LIPT2: variants seen among roughly 807,000 people sequenced by gnomAD.
The protein encoded by LIPT2 is octanoyl-[acyl-carrier-protein]:protein N-octanoyltransferase LIPT2, mitochondrial.
Under a neutral mutation model 16.2 loss-of-function variants are expected in LIPT2, and 16 were observed. The ratio of observed to expected loss-of-function variants is 0.99; its 90% CI spans 0.67 to 1.50. The LOEUF is 1.50. Among genes scored for constraint, LIPT2 ranks in the 40% most tolerant of loss-of-function variants. The pLI is 0.00. For synonymous variants in LIPT2, 199 were observed against 169.3 expected (o/e 1.18, Z -1.36); for missense variants, 424 against 347.7 (o/e 1.22, Z -1.75).
chr11:74,492,326 C>G lies in LIPT2; in HGVS notation c.505G>C (p.Ala169Pro), dbSNP rs1419522194. Residue 169 changes from alanine (A) to proline (P), a missense_variant, in exon 2 of 2, where the codon GCT becomes CCT. Physicochemically the swap from Ala to Pro is conservative, Grantham distance 27. Coordinates refer to ENST00000310109, the MANE Select transcript of LIPT2 (RefSeq NM_001144869.3). ...CGRHITSHGL[A>P]LNCSTDLTWF... Reference sequence around the variant, plus strand: ...GTGAGGTCGGTAGAGCAGTTGAGAGCCAGGCCGTGGGATGTGATGTGCCTT... The same window carrying G: ...GTGAGGTCGGTAGAGCAGTTGAGAGGCAGGCCGTGGGATGTGATGTGCCTT... 1 of 1,551,744 alleles carries G rather than the reference C, an allele frequency of 6.4e-7. No homozygotes were observed. The highest frequency in any genetic ancestry group is 8.7e-7 in the Non-Finnish European group (1 of 1,146,952).
In LIPT2 at chr11:74,492,263, T is replaced by A. The variant is rs586088; in HGVS notation, c.568A>T (p.Thr190Ser). The A allele has an allele frequency of 0.61, 942,639 of 1,551,212 alleles. 289,463 individuals carry two copies. Among genetic ancestry groups the A allele is most frequent in the East Asian group, 0.67 (27,462 of 40,868 alleles). The stretch of plus-strand genomic sequence containing the variant: ...TCCTTACTCAAGGAAGTGACGCCTG[T>A]CCCAACCAGTCCACAGGGCACGATG... The part of the protein sequence containing the change: ...EHIVPCGLVG[T>S]GVTSLSKELQ... The change falls in exon 2 of 2, where the codon ACA (threonine) becomes TCA (serine). Residue 190 changes from threonine to serine, a missense_variant. Transcript: ENST00000310109.
Position 74,491,073 on chromosome 11 carries a change from A to C in LIPT2, c.*1062T>G, listed in dbSNP as rs1864325732. Among the ~76,000 whole-genome samples, 1 of 152,244 alleles carries C rather than the reference A, an allele frequency of 6.6e-6. No individual in the cohort carries two copies. Among genetic ancestry groups the C allele is most frequent in the Non-Finnish European group, 1.5e-5 (1 of 68,050 alleles). On this transcript the variant is annotated 3_prime_UTR_variant, in exon 2 of 2. Coordinates refer to ENST00000310109, the MANE Select transcript of LIPT2 (RefSeq NM_001144869.3). ...CTTCTGAGGCTGGGTCATAAAAAAC[A>C]TTGTGGCTTCCAGCTTGTCTCTCTT...
In LIPT2 at chr11:74,491,881, A is replaced by G; in HGVS notation, c.*254T>C. 2.1e-6 allele frequency: 1 copy of G among 473,192 alleles called. No individual in the cohort carries two copies. Among genetic ancestry groups the G allele is most frequent in the Admixed American group, 3.4e-5 (1 of 29,172 alleles). The allele number at this position is 473,192 out of a possible 1,614,324, so 29.3% of individuals were successfully genotyped here. A position where few individuals can be genotyped will look rare whatever the true frequency, so the allele number is the denominator to read the frequency against. On this transcript the variant is annotated 3_prime_UTR_variant, in exon 2 of 2. Coordinates refer to ENST00000310109, the MANE Select transcript of LIPT2 (RefSeq NM_001144869.3). ...GAATTTCTCTGAGACACTGCTGTCA[A>G]TAGCAGTGCTAATGTTTTATATAGC...
chr11:74,493,675 C>G lies in LIPT2; in HGVS notation c.29G>C (p.Arg10Pro), dbSNP rs556366788. 11 of 1,411,760 alleles carry G rather than the reference C, an allele frequency of 7.8e-6. No individual in the cohort carries two copies. In the African/African-American group the frequency reaches 1.6e-4, roughly 21 times the overall value. 87.5% of individuals were successfully genotyped at this position (1,411,760 alleles called of 1,614,324 possible). A position where few individuals can be genotyped will look rare whatever the true frequency, so the allele number is the denominator to read the frequency against. Residue 10 changes from arginine (R) to proline (P), a missense_variant, in exon 1 of 2, where the codon CGC (arginine) becomes CCC (proline). Coordinates refer to ENST00000310109, the MANE Select transcript of LIPT2 (RefSeq NM_001144869.3). The part of the protein sequence containing the change: MRQPAVRLV[R>P]LGRVPYAELL... ...CTCGGCGTACGGCACCCGACCCAGG[C>G]GCACCAACCGAACGGCGGGTTGCCG...
chr11:74,492,186 G>C lies in LIPT2; in HGVS notation c.645C>G (p.Ala215=), dbSNP rs1007228286. 6.4e-6 allele frequency: 10 copies of C among 1,550,828 alleles called. No homozygotes were observed. In the African/African-American group the frequency reaches 1.1e-4, roughly 17 times the overall value. The stretch of plus-strand genomic sequence containing the variant: ...GTGTGCACTTGTAGATCTCCTTAAA[G>C]GCCACAAGGAAAGGTGGCATTACTT... ...VEEVMPPFLV[A]FKEIYKCTLI... The change falls in exon 2 of 2, where the codon GCC becomes GCG. Residue 215 remains alanine (A), a synonymous_variant. Coordinates refer to ENST00000310109, the MANE Select transcript of LIPT2 (RefSeq NM_001144869.3).
rs142551690 is a variant in LIPT2, at chr11:74,491,314, G to A, written c.*821C>T. On this transcript the variant is annotated 3_prime_UTR_variant, in exon 2 of 2. Coordinates refer to ENST00000310109, the MANE Select transcript of LIPT2 (RefSeq NM_001144869.3). ...TGACATCTTAACTGCAAGTTCGTGT[G>A]AGACCCTAACCTAGAAACACCCAGC... Among the ~76,000 whole-genome samples, 385 of 152,250 alleles carry A rather than the reference G, an allele frequency of 2.5e-3. 2 individuals are homozygous for A. Among genetic ancestry groups the A allele is most frequent in the Middle Eastern group, 0.01 (3 of 294 alleles).
Position 74,493,237 on chromosome 11 carries a change from C to A in LIPT2, c.466+1G>T. The A allele has an allele frequency of 7.4e-7, 1 of 1,347,368 alleles. No homozygotes were observed. Among genetic ancestry groups the A allele is most frequent in the Non-Finnish European group, 9.5e-7 (1 of 1,051,006 alleles). 83.5% of individuals were successfully genotyped at this position (1,347,368 alleles called of 1,614,324 possible). A position where few individuals can be genotyped will look rare whatever the true frequency, so the allele number is the denominator to read the frequency against. ...GTACCGCCCTGCTCCGCGGCGCTCA[C>A]CGATCGCGCAGATCTTGCGATCGTC... is the stretch of plus-strand genomic sequence containing the variant. On this transcript the variant is annotated splice_donor_variant, in intron 1 of 1. Coordinates refer to ENST00000310109, the MANE Select transcript of LIPT2 (RefSeq NM_001144869.3). LOFTEE classifies it high-confidence loss of function.
At position 74,493,592 on chromosome 11, in the gene LIPT2, C is replaced by A; in HGVS notation, c.112G>T (p.Ala38Ser). Reference sequence around the variant, plus strand: ...GCGCCCGCCTCAGTCCCCGACGGGGCCTCAATGCCTGGCTCGGCCTGCAGC... The same window carrying A: ...GCGCCCGCCTCAGTCCCCGACGGGGACTCAATGCCTGGCTCGGCCTGCAGC... ...RRLQAEPGIEAPSGTEAGALL... is the reference protein window; with the variant it reads ...RRLQAEPGIESPSGTEAGALL... Residue 38 changes from alanine to serine, a missense_variant, in exon 1 of 2, where the codon GCC (alanine) becomes TCC (serine). Ala to Ser is a moderately conservative substitution (Grantham distance 99). Transcript: ENST00000310109. 1 of 1,454,316 alleles carries A rather than the reference C, an allele frequency of 6.9e-7. No homozygotes were observed. Among genetic ancestry groups the A allele is most frequent in the Admixed American group, 2.5e-5 (1 of 39,606 alleles). 90.1% of individuals were successfully genotyped at this position (1,454,316 alleles called of 1,614,324 possible).
At position 74,492,153 on chromosome 11, in the gene LIPT2, T is replaced by C. The variant is rs753644701; in HGVS notation, c.678A>G (p.Ser226=). The part of the protein sequence containing the change: ...FKEIYKCTLI[S]EDSPN ...GTACTCTTCAGTTGGGGCTGTCCTC[T>C]GAGATCAGTGTGCACTTGTAGATCT... is the stretch of plus-strand genomic sequence containing the variant. The change falls in exon 2 of 2, where the codon TCA becomes TCG. Residue 226 remains serine (S), a synonymous_variant. Coordinates refer to ENST00000310109, the MANE Select transcript of LIPT2 (RefSeq NM_001144869.3). 3.9e-6 allele frequency: 6 copies of C among 1,551,218 alleles called. No individual in the cohort carries two copies. The African/African-American group carries it at 8.2e-5, about 21-fold the overall frequency.
rs1461920320 is a variant in LIPT2 at position 74,493,342 on chromosome 11, G to A, written c.362C>T (p.Ala121Val). 8.0e-6 allele frequency: 12 copies of A among 1,499,356 alleles called. No individual in the cohort carries two copies. The Admixed American group carries it at 2.4e-4, about 29-fold the overall frequency. The allele number at this position is 1,499,356 out of a possible 1,614,324, so 92.9% of individuals were successfully genotyped here. Reference sequence around the variant, plus strand: ...GAGCTCGCACAGGCGCACGGCGCACGCCTCCAGCGACGCTACGTGCATGCG... The same window carrying A: ...GAGCTCGCACAGGCGCACGGCGCACACCTCCAGCGACGCTACGTGCATGCG... ...RLRMHVASLE[A>V]CAVRLCELQG... The change falls in exon 1 of 2, where the codon GCG (alanine) becomes GTG (valine). Residue 121 changes from alanine (A) to valine (V), a missense_variant. By Grantham distance (64) the Ala-to-Val change is moderately conservative. Coordinates refer to ENST00000310109, the MANE Select transcript of LIPT2 (RefSeq NM_001144869.3).
chr11:74,492,156 GATC>G lies in LIPT2; in HGVS notation c.672_674del (p.Ile225del). 2 of 1,551,486 alleles carry G rather than the reference GATC, an allele frequency of 1.3e-6. No homozygotes were observed. The highest frequency in any genetic ancestry group is 2.4e-5 in the South Asian group (2 of 84,064). On this transcript the variant is annotated inframe_deletion, in exon 2 of 2. Coordinates refer to ENST00000310109, the MANE Select transcript of LIPT2 (RefSeq NM_001144869.3). Reference sequence around the variant, plus strand: ...CTCTTCAGTTGGGGCTGTCCTCTGAGATCAGTGTGCACTTGTAGATCTCCTTAA... The same window carrying G: ...CTCTTCAGTTGGGGCTGTCCTCTGAGAGTGTGCACTTGTAGATCTCCTTAA...
Position 74,492,219 on chromosome 11 carries a change from G to A in LIPT2, c.612C>T (p.Thr204=), listed in dbSNP as rs1254844190. ...SLSKELQRHV[T]VEEVMPPFLV... is the part of the protein sequence containing the mutation. ...GGAAAGGTGGCATTACTTCTTCCACGGTGACGTGCCTCTGGAGCTCCTTAC... is the reference window on the plus strand; with the variant it reads ...GGAAAGGTGGCATTACTTCTTCCACAGTGACGTGCCTCTGGAGCTCCTTAC... The change falls in exon 2 of 2, where the codon ACC becomes ACT. Residue 204 remains threonine (T), a synonymous_variant. Coordinates refer to ENST00000310109, the MANE Select transcript of LIPT2 (RefSeq NM_001144869.3). The A allele has an allele frequency of 1.3e-6, 2 of 1,551,646 alleles. No individual in the cohort carries two copies. The highest frequency in any genetic ancestry group is 1.7e-6 in the Non-Finnish European group (2 of 1,146,996).
In LIPT2 at chr11:74,493,240, AT is replaced by A. The variant is rs1415205994; in HGVS notation, c.463del (p.Ile155SerfsTer41). The A allele has an allele frequency of 7.4e-7, 1 of 1,346,658 alleles. No homozygotes were observed. The allele number at this position is 1,346,658 out of a possible 1,614,324, so 83.4% of individuals were successfully genotyped here. A position where few individuals can be genotyped will look rare whatever the true frequency, so the allele number is the denominator to read the frequency against. ...VWLDDRKICA[I>X]GVRCGRHITS... Reference sequence around the variant, plus strand: ...CCGCCCTGCTCCGCGGCGCTCACCGATCGCGCAGATCTTGCGATCGTCTAGC... The same window carrying A: ...CCGCCCTGCTCCGCGGCGCTCACCGACGCGCAGATCTTGCGATCGTCTAGC... On this transcript the variant is annotated frameshift_variant, in exon 1 of 2. Coordinates refer to ENST00000310109, the MANE Select transcript of LIPT2 (RefSeq NM_001144869.3). LOFTEE classifies it high-confidence loss of function.
chr11:74,493,220 C>T lies in LIPT2; in HGVS notation c.466+18G>A. On this transcript the variant is annotated intron_variant, in intron 1 of 1. Transcript: ENST00000310109. ...CCGACCTCGGCTCTCAGGTACCGCC[C>T]TGCTCCGCGGCGCTCACCGATCGCG... 3.7e-6 allele frequency: 5 copies of T among 1,340,648 alleles called. No individual in the cohort carries two copies. The highest frequency in any genetic ancestry group is 1.5e-5 in the African/African-American group (1 of 65,386). The allele number at this position is 1,340,648 out of a possible 1,614,324, so 83.0% of individuals were successfully genotyped here. A position where few individuals can be genotyped will look rare whatever the true frequency, so the allele number is the denominator to read the frequency against.
In LIPT2 at chr11:74,493,402, G is replaced by T. The variant is rs1246528921; in HGVS notation, c.302C>A (p.Pro101Gln). 6.6e-7 allele frequency: 1 copy of T among 1,516,214 alleles called. No individual in the cohort carries two copies. The highest frequency in any genetic ancestry group is 8.8e-7 in the Non-Finnish European group (1 of 1,139,258). 93.9% of individuals were successfully genotyped at this position (1,516,214 alleles called of 1,614,324 possible). Residue 101 changes from proline (P) to glutamine (Q), a missense_variant, in exon 1 of 2, where the codon CCG (proline) becomes CAG (glutamine). Coordinates refer to ENST00000310109, the MANE Select transcript of LIPT2 (RefSeq NM_001144869.3). ...GCCGAGACGCCGCAGGTCGAGTACC[G>T]GGTGGCAAAGCAGCTGGCCCGGGCC... ...FHGPGQLLCH[P>Q]VLDLRRLGLR...
At chr11:74,493,193 C>T (rs897041208) in intron 1 of LIPT2, 45 bp downstream of exon 1, 44 of 1,297,480 alleles carry the variant, frequency 3.4e-5, no homozygotes, top group Non-Finnish European at 4.3e-5. Flanking sequence ...AGGCCTCAAG[C>T]TCCGACCTCG....
At chr11:74,492,676 C>G (rs961710603) in intron 1 of LIPT2, among the ~76,000 whole-genome samples, 2 of 151,692 alleles carry the variant, frequency 1.3e-5, no homozygotes, top group African/African-American at 4.8e-5. Flanking sequence ...GAGGCCGAGG[C>G]GGGCGGATCA....
In LIPT2 at chr11:74,493,380, G is replaced by A. The variant is rs749682678; in HGVS notation, c.324C>T (p.Leu108=). 2.6e-6 allele frequency: 4 copies of A among 1,513,606 alleles called. No homozygotes were observed. The highest frequency in any genetic ancestry group is 3.7e-4 in the Middle Eastern group (2 of 5,422). The allele number at this position is 1,513,606 out of a possible 1,614,324, so 93.8% of individuals were successfully genotyped here. A position where few individuals can be genotyped will look rare whatever the true frequency, so the allele number is the denominator to read the frequency against. ...CTACGTGCATGCGCAAGCGCAGGCC[G>A]AGACGCCGCAGGTCGAGTACCGGGT... ...LCHPVLDLRR[L]GLRLRMHVAS... Residue 108 remains leucine, a synonymous_variant, in exon 1 of 2, where the codon CTC becomes CTT. Coordinates refer to ENST00000310109, the MANE Select transcript of LIPT2 (RefSeq NM_001144869.3).
At position 74,491,242 on chromosome 11, in the gene LIPT2, G is replaced by A. The variant is rs552441699; in HGVS notation, c.*893C>T. Reference sequence around the variant, plus strand: ...CGCAAGTGAATGCACCATATGGAGCGCTGATCCTCCAGCCCAGCCAAGCCT... The same window carrying A: ...CGCAAGTGAATGCACCATATGGAGCACTGATCCTCCAGCCCAGCCAAGCCT... On this transcript the variant is annotated 3_prime_UTR_variant, in exon 2 of 2. Coordinates refer to ENST00000310109, the MANE Select transcript of LIPT2 (RefSeq NM_001144869.3). 3.6e-4 allele frequency among the ~76,000 whole-genome samples: 55 copies of A among 152,294 alleles called. No homozygotes were observed. In the South Asian group the frequency reaches 7.1e-3, roughly 20 times the overall value.
Sources: gnomAD v4.1 joint callset for allele counts (sites outside exome capture counted in the v4.1 genomes callset) on GRCh38, gnomAD v4.1.1 for gene constraint, MANE v1.5 for transcripts, NCBI Gene and HGNC (gene_info 2026-07-23, HGNC 2026-07-21) for gene names.